AGAP6: variants seen among roughly 807,000 people sequenced by gnomAD.
The protein encoded by AGAP6 is arf-GAP with GTPase, ANK repeat and PH domain-containing protein 6.
AGAP6 carries 29 observed loss-of-function variants against 63.9 expected under a neutral mutation model. The ratio of observed to expected loss-of-function variants is 0.45; its 90% CI spans 0.34 to 0.62. The LOEUF (loss-of-function observed/expected upper bound fraction) is 0.62, where lower values mean the gene tolerates loss of function less well. Ranked by LOEUF, AGAP6 falls within the 20% of genes least tolerant of loss-of-function variation. The pLI is 0.01. For synonymous variants in AGAP6, 199 were observed against 332.9 expected (o/e 0.60, Z 4.38); for missense variants, 493 against 884.9 (o/e 0.56, Z 5.62).
intron 3 of AGAP6, among the ~76,000 whole-genome samples, chr10:49,992,825 G>T (rs181261473): frequency 0.012 from 1,821 of 151,978 alleles, 34 homozygotes; most frequent in African/African-American, 0.042. Context: ...GCAATGGCAC[G>T]ATCTTGGCTC....
At chr10:49,994,052 G>C (rs528330697) in intron 3 of AGAP6, among the ~76,000 whole-genome samples, 1 of 152,120 alleles carries the variant, frequency 6.6e-6, no homozygotes, top group Non-Finnish European at 1.5e-5. Flanking sequence ...AATGCAGAAT[G>C]AGAGAATACT....
intron 4 of AGAP6, among the ~76,000 whole-genome samples, chr10:49,996,050 C>A (rs1424481469): frequency 6.6e-6 from 1 of 151,636 alleles, no homozygotes; most frequent in Non-Finnish European, 1.5e-5. Flanking sequence ...TTTTTATTTT[C>A]TCTGTTACTT....
chr10:49,992,332 G>A (rs1554861219), intron 3 of AGAP6, among the ~76,000 whole-genome samples: 7 of 151,976 alleles, frequency 4.6e-5, no homozygotes, highest in African/African-American at 1.7e-4. Context: ...TTCCCTCAAT[G>A]TTATGTTAAA....
intron 4 of AGAP6, among the ~76,000 whole-genome samples, chr10:49,996,441 A>G (rs1841490870): frequency 6.6e-6 from 1 of 152,042 alleles, no homozygotes; most frequent in Admixed American, 6.6e-5. Flanking sequence ...GGGAGACCTC[A>G]GTGTATTATC....
chr10:49,996,270 G>C (rs1330334556), intron 4 of AGAP6, among the ~76,000 whole-genome samples: 1 of 151,576 alleles, frequency 6.6e-6, no homozygotes, highest in African/African-American at 2.4e-5. Flanking sequence ...TCCTGATTTT[G>C]ACTGGTCCTA....
Position 50,009,264 on chromosome 10 carries a change from G to C in AGAP6, c.1139G>C (p.Ser380Thr), listed in dbSNP as rs1554864888. The C allele has an allele frequency of 6.2e-7, 1 of 1,614,148 alleles. No individual in the cohort carries two copies. The highest frequency in any genetic ancestry group is 1.7e-5 in the Admixed American group (1 of 60,004). The change falls in exon 8 of 8, where the codon AGT becomes ACT. Residue 380 changes from serine (S) to threonine (T), a missense_variant. Physicochemically the swap from Ser to Thr is moderately conservative, Grantham distance 58 (BLOSUM62 1). Coordinates refer to ENST00000412531, the MANE Select transcript of AGAP6 (RefSeq NM_001077665.3). ...GGTGACTCCATATGCTTCAGCCCCA[G>C]TATCTCCAGCACCACCAGCCCCAAG... ...GLGDSICFSP[S>T]ISSTTSPKLN...
In AGAP6 at chr10:50,009,324, A is replaced by C; in HGVS notation, c.1199A>C (p.Lys400Thr). The C allele has an allele frequency of 6.2e-7, 1 of 1,614,090 alleles. No individual in the cohort carries two copies. Residue 400 changes from lysine to threonine, a missense_variant, in exon 8 of 8, where the codon AAG becomes ACG. Coordinates refer to ENST00000412531, the MANE Select transcript of AGAP6 (RefSeq NM_001077665.3). ...NPPPSPHANK[K>T]KHLKKKSTNN... is the part of the protein sequence containing the mutation. ...CCCCCCTCTCCTCATGCTAATAAAA[A>C]GAAACACCTAAAGAAGAAAAGCACC...
chr10:49,990,947 T>C (rs1399772277), intron 2 of AGAP6, among the ~76,000 whole-genome samples: 1 of 152,004 alleles, frequency 6.6e-6, no homozygotes, highest in Non-Finnish European at 1.5e-5. Context: ...TATACTCTGC[T>C]TGGTGATGTT....
At chr10:50,005,563 A>G (rs1347914104) in intron 6 of AGAP6, among the ~76,000 whole-genome samples, 5 of 152,104 alleles carry the variant, frequency 3.3e-5, no homozygotes, top group South Asian at 2.1e-4. Flanking sequence ...GAGAGCTGAG[A>G]TGGTGCCATT....
intron 6 of AGAP6, among the ~76,000 whole-genome samples, chr10:50,006,025 A>G (rs2132158167): frequency 6.6e-6 from 1 of 151,766 alleles, no homozygotes; most frequent in East Asian, 1.9e-4. Context: ...ATTTGTTAAC[A>G]CTAAATCAAA....
chr10:49,991,771 A>G, intron 3 of AGAP6, 27 bp downstream of exon 3: 1 of 1,597,886 alleles, frequency 6.3e-7, no homozygotes, highest in Non-Finnish European at 8.5e-7. Context: ...TTTTCCACCA[A>G]GAGAAAGAAT....
rs782285569 is a variant in AGAP6, at chr10:50,002,009, G to C, written c.410G>C (p.Arg137Pro). The change falls in exon 5 of 8, where the codon CGT becomes CCT. Residue 137 changes from arginine (R) to proline (P), a missense_variant. Arg to Pro is a moderately radical substitution (Grantham distance 103). Coordinates refer to ENST00000412531, the MANE Select transcript of AGAP6 (RefSeq NM_001077665.3). ...CTTCCCCTTCAGGTATCTGCTGTGC[G>C]TTTCAGTCAACAATACAGCTTGTGT... ...SNCTNHVSAV[R>P]FSQQYSLCST... 6.2e-7 allele frequency: 1 copy of C among 1,612,826 alleles called. No homozygotes were observed. The highest frequency in any genetic ancestry group is 8.5e-7 in the Non-Finnish European group (1 of 1,179,982).
Position 49,988,943 on chromosome 10 carries a change from G to A in AGAP6, c.223+5G>A, listed in dbSNP as rs1554860188. 1 of 1,601,464 alleles carries A rather than the reference G, an allele frequency of 6.2e-7. No individual in the cohort carries two copies. The highest frequency in any genetic ancestry group is 8.5e-7 in the Non-Finnish European group (1 of 1,179,408). On this transcript the variant is annotated splice_donor_5th_base_variant and intron_variant, in intron 1 of 7. Coordinates refer to ENST00000412531, the MANE Select transcript of AGAP6 (RefSeq NM_001077665.3). ...GTGACCGGGAGATGCCTGAAGGTGA[G>A]GAGGTGATAGGTGCCATCTACCCTC...
At position 50,010,351 on chromosome 10, in the gene AGAP6, A is replaced by G. The variant is rs1449169521; in HGVS notation, c.*165A>G. ...CAAAATGTTGATTTTTCTGACCATA[A>G]GACGTATTTTATGTCCTTCTGCCAA... On this transcript the variant is annotated 3_prime_UTR_variant, in exon 8 of 8. Transcript: ENST00000412531. 3.0e-6 allele frequency: 4 copies of G among 1,324,504 alleles called. No individual in the cohort carries two copies. The highest frequency in any genetic ancestry group is 2.8e-5 in the African/African-American group (2 of 70,532). 82.0% of individuals were successfully genotyped at this position (1,324,504 alleles called of 1,614,324 possible). A position where few individuals can be genotyped will look rare whatever the true frequency, so the allele number is the denominator to read the frequency against.
At chr10:50,005,472 G>A (rs1435337175) in intron 6 of AGAP6, among the ~76,000 whole-genome samples, 6 of 151,990 alleles carry the variant, frequency 3.9e-5, no homozygotes, top group East Asian at 1.9e-4. Flanking sequence ...TTAGCTGGGC[G>A]TGGTGGCACG....
At chr10:49,991,232 G>A (rs1554860806) in intron 2 of AGAP6, among the ~76,000 whole-genome samples, 1 of 151,594 alleles carries the variant, frequency 6.6e-6, no homozygotes, top group Non-Finnish European at 1.5e-5. Flanking sequence ...TGACAGATAC[G>A]ATGAATTTAC....
intron 1 of AGAP6, 29 bp from the exon 2 acceptor site, chr10:49,989,279 C>A (rs1445754353): frequency 6.3e-7 from 1 of 1,595,838 alleles, no homozygotes; most frequent in Admixed American, 1.7e-5. Flanking sequence ...TGATTACATC[C>A]TTTTTCTTTT....
At chr10:49,994,723 G>A (rs1841417825) in intron 4 of AGAP6, among the ~76,000 whole-genome samples, 1 of 152,062 alleles carries the variant, frequency 6.6e-6, no homozygotes, top group African/African-American at 2.4e-5. Context: ...AACACTTTAG[G>A]AGGCCGAGGC....
rs782666721 is a variant in AGAP6, at chr10:50,008,977, T to A, written c.852T>A (p.Ile284=). Residue 284 remains isoleucine (I), a synonymous_variant, in exon 8 of 8, where the codon ATT becomes ATA. Coordinates refer to ENST00000412531, the MANE Select transcript of AGAP6 (RefSeq NM_001077665.3). ...DTIGSGRAIP[I]KQGMLLKRSG... ...TCGGGAGCGGTAGAGCCATCCCCAT[T>A]AAACAGGGCATGCTCTTAAAGCGAA... 6.2e-7 allele frequency: 1 copy of A among 1,613,814 alleles called. No homozygotes were observed. The highest frequency in any genetic ancestry group is 8.5e-7 in the Non-Finnish European group (1 of 1,179,908).
Sources: allele counts gnomAD v4.1 joint callset (sites outside exome capture counted in the v4.1 genomes callset), GRCh38; gene constraint gnomAD v4.1.1; transcripts MANE v1.5; gene names NCBI Gene and HGNC (gene_info 2026-07-23, HGNC 2026-07-21).